Variants in GAS2L3 observed in about 807,000 individuals in gnomAD.
GAS2L3 encodes GAS2-like protein 3.
A neutral mutation model predicts 37.0 loss-of-function variants in GAS2L3; 28 were observed. The ratio of observed to expected loss-of-function variants is 0.76; its 90% CI spans 0.56 to 1.04. The LOEUF is 1.04. Among genes scored for constraint, GAS2L3 ranks in the 50% least tolerant of loss-of-function variants. The pLI is 0.00. For synonymous variants in GAS2L3, 290 were observed against 296.6 expected (o/e 0.98, Z 0.23); for missense variants, 793 against 817.6 (o/e 0.97, Z 0.37).
At chr12:100,615,772 G>A (rs1203061951) in intron 6 of GAS2L3, among the ~76,000 whole-genome samples, 3 of 152,076 alleles carry the variant, frequency 2.0e-5, no homozygotes, top group Admixed American at 6.6e-5. Flanking sequence ...AATTGTCTTA[G>A]CATCTTGTTG....
In GAS2L3 at chr12:100,624,580, A is replaced by G. The variant is rs1222311735; in HGVS notation, c.1775A>G (p.Gln592Arg). 2 of 1,614,102 alleles carry G rather than the reference A, an allele frequency of 1.2e-6. No homozygotes were observed. Among genetic ancestry groups the G allele is most frequent in the Non-Finnish European group, 1.7e-6 (2 of 1,180,028 alleles). Residue 592 changes from glutamine to arginine, a missense_variant, in exon 10 of 10, where the codon CAG (glutamine) becomes CGG (arginine). By Grantham distance (43) the Gln-to-Arg change is conservative. Coordinates refer to ENST00000547754, the MANE Select transcript of GAS2L3 (RefSeq NM_174942.3). The part of the protein sequence containing the change: ...NIVSATKKQP[Q>R]NKSAFQKTGP... Reference sequence around the variant, plus strand: ...GTTTCAGCTACCAAAAAGCAGCCTCAGAATAAAAGTGCATTTCAGAAGACA... The same window carrying G: ...GTTTCAGCTACCAAAAAGCAGCCTCGGAATAAAAGTGCATTTCAGAAGACA...
chr12:100,582,466 A>T (rs1181236648), intron 1 of GAS2L3, among the ~76,000 whole-genome samples: 1 of 152,240 alleles, frequency 6.6e-6, no homozygotes, highest in Non-Finnish European at 1.5e-5. Context: ...GGCCTGACAG[A>T]TACCTTAATT....
chr12:100,612,077 C>A lies in GAS2L3; in HGVS notation c.381C>A (p.Asn127Lys), dbSNP rs1167825170. 6.2e-7 allele frequency: 1 copy of A among 1,611,078 alleles called. No homozygotes were observed. The highest frequency in any genetic ancestry group is 2.2e-5 in the East Asian group (1 of 44,860). ...TCTTTGCTCGGGACAATACCGCAAA[C>A]TTCCTTCACTGGTGTAGGGACATTG... ...GSFFARDNTA[N>K]FLHWCRDIGV... The change falls in exon 6 of 10, where the codon AAC becomes AAA. Residue 127 changes from asparagine (N) to lysine (K), a missense_variant. Physicochemically the swap from Asn to Lys is moderately conservative, Grantham distance 94 (BLOSUM62 0). Coordinates refer to ENST00000547754, the MANE Select transcript of GAS2L3 (RefSeq NM_174942.3).
At chr12:100,580,873 C>T (rs1406941538) in intron 1 of GAS2L3, among the ~76,000 whole-genome samples, 1 of 152,134 alleles carries the variant, frequency 6.6e-6, no homozygotes, top group African/African-American at 2.4e-5. Context: ...TCATCATAGT[C>T]ATGGTTGATA....
chr12:100,585,635 G>A (rs777588189), intron 1 of GAS2L3, among the ~76,000 whole-genome samples: 9 of 152,150 alleles, frequency 5.9e-5, no homozygotes, highest in Non-Finnish European at 1.0e-4. Context: ...TGCTGCCTCT[G>A]TCTCTGCTCA....
At chr12:100,594,452 G>T (rs1009035920) in intron 2 of GAS2L3, among the ~76,000 whole-genome samples, 5 of 151,984 alleles carry the variant, frequency 3.3e-5, no homozygotes, top group Admixed American at 3.3e-4. Context: ...CATATGACCT[G>T]TTAGGACTTT....
At chr12:100,620,972 C>A (rs765590849) in intron 8 of GAS2L3, among the ~76,000 whole-genome samples, 3 of 152,078 alleles carry the variant, frequency 2.0e-5, no homozygotes, top group African/African-American at 7.2e-5. Flanking sequence ...GATTGGGTGA[C>A]TTATGAAAAT....
intron 5 of GAS2L3, 63 bp from the exon 6 acceptor site, chr12:100,611,935 CAA>C: frequency 9.1e-7 from 1 of 1,101,570 alleles, no homozygotes. Context: ...TTAGCAATAT[CAA>C]AATGAATGTT....
chr12:100,625,225 T>C lies in GAS2L3; in HGVS notation c.*335T>C, dbSNP rs10860614. On this transcript the variant is annotated 3_prime_UTR_variant, in exon 10 of 10. Transcript: ENST00000547754. ...ACAAGAATTTTAACAATAGTTGCTCTATTTTTGAATATGTATTAAATATGG... is the reference window on the plus strand; with the variant it reads ...ACAAGAATTTTAACAATAGTTGCTCCATTTTTGAATATGTATTAAATATGG... 76,366 of 177,602 alleles carry C rather than the reference T, an allele frequency of 0.43. 17,648 individuals carry two copies. Among genetic ancestry groups the C allele is most frequent in the Middle Eastern group, 0.54 (195 of 364 alleles). 11.0% of individuals were successfully genotyped at this position (177,602 alleles called of 1,614,324 possible).
At chr12:100,585,235 C>A (rs1237887582) in intron 1 of GAS2L3, among the ~76,000 whole-genome samples, 2 of 150,836 alleles carry the variant, frequency 1.3e-5, no homozygotes, top group Non-Finnish European at 3.0e-5. Context: ...TGAAACAAAC[C>A]AAAACACAGC....
intron 1 of GAS2L3, among the ~76,000 whole-genome samples, chr12:100,586,241 C>G (rs577709031): frequency 6.6e-6 from 1 of 152,266 alleles, no homozygotes; most frequent in Non-Finnish European, 1.5e-5. Context: ...CAGATATATA[C>G]AGAACATTTC....
intron 5 of GAS2L3, among the ~76,000 whole-genome samples, chr12:100,608,439 A>C (rs1019907245): frequency 2.0e-5 from 3 of 152,176 alleles, no homozygotes; most frequent in African/African-American, 7.2e-5. Flanking sequence ...CAGGTGGCAC[A>C]TCTAGCCAGG....
In GAS2L3 at chr12:100,625,899, C is replaced by A. The variant is rs1361501435; in HGVS notation, c.*1009C>A. The A allele has an allele frequency of 6.6e-6, 1 of 152,140 alleles. No homozygotes were observed. The highest frequency in any genetic ancestry group is 1.5e-5 in the Non-Finnish European group (1 of 68,022). The allele number at this position is 152,140 out of a possible 1,614,324, so 9.4% of individuals were successfully genotyped here. On this transcript the variant is annotated 3_prime_UTR_variant, in exon 10 of 10. Transcript: ENST00000547754. The stretch of plus-strand genomic sequence containing the variant: ...GCACAATACCAATTTTAATTAATTT[C>A]TTCCAATTAGGTTACTTTTCTTTAA...
At chr12:100,593,350 G>GT (rs1472004708) in intron 2 of GAS2L3, among the ~76,000 whole-genome samples, 1 of 152,042 alleles carries the variant, frequency 6.6e-6, no homozygotes, top group Non-Finnish European at 1.5e-5. Context: ...CTTAAAAGTA[G>GT]TTTTTTCTGT....
In GAS2L3 at chr12:100,624,928, G is replaced by T. The variant is rs1427977883; in HGVS notation, c.*38G>T. 1.6e-5 allele frequency: 23 copies of T among 1,427,574 alleles called. No individual in the cohort carries two copies. The highest frequency in any genetic ancestry group is 2.1e-5 in the Non-Finnish European group (22 of 1,044,982). The allele number at this position is 1,427,574 out of a possible 1,614,324, so 88.4% of individuals were successfully genotyped here. ...TATAAAAAAAGAGAAAAGGAAGAAT[G>T]AATGTGTTAGCTTCACATCTTAAAA... On this transcript the variant is annotated 3_prime_UTR_variant, in exon 10 of 10. Transcript: ENST00000547754.
In GAS2L3 at chr12:100,623,925, C is replaced by G; in HGVS notation, c.1120C>G (p.Pro374Ala). 1 of 1,614,056 alleles carries G rather than the reference C, an allele frequency of 6.2e-7. No individual in the cohort carries two copies. The highest frequency in any genetic ancestry group is 8.5e-7 in the Non-Finnish European group (1 of 1,179,990). ...CTCTATGTCAGTCCGTTCTAAATTG[C>G]CAAATTCTCCAGCAGCATCTTCTCA... The part of the protein sequence containing the change: ...LGSMSVRSKL[P>A]NSPAASSHPK... The change falls in exon 10 of 10, where the codon CCA becomes GCA. Residue 374 changes from proline to alanine, a missense_variant. Pro to Ala is a conservative substitution (Grantham distance 27). Coordinates refer to ENST00000547754, the MANE Select transcript of GAS2L3 (RefSeq NM_174942.3).
At chr12:100,604,010 A>G (rs376942903) in intron 5 of GAS2L3, among the ~76,000 whole-genome samples, 37 of 151,738 alleles carry the variant, frequency 2.4e-4, no homozygotes, top group African/African-American at 8.2e-4. Flanking sequence ...TGCCAGTACC[A>G]TACTGTTTTG....
At chr12:100,613,589 C>T (rs1956151789) in intron 6 of GAS2L3, among the ~76,000 whole-genome samples, 1 of 151,028 alleles carries the variant, frequency 6.6e-6, no homozygotes, top group Admixed American at 6.6e-5. Flanking sequence ...GAACAATTAC[C>T]ATTTCTTTCT....
Position 100,624,677 on chromosome 12 carries a change from A to T in GAS2L3, c.1872A>T (p.Lys624Asn). The stretch of plus-strand genomic sequence containing the variant: ...TGAGCCTACCCCAGTCTTCTACCAA[A>T]ACACAAACTGCACCGAAGTCAGCAC... ...SIVSLPQSST[K>N]TQTAPKSAQT... The change falls in exon 10 of 10, where the codon AAA (lysine) becomes AAT (asparagine). Residue 624 changes from lysine to asparagine, a missense_variant. Lys to Asn is a moderately conservative substitution (Grantham distance 94). Transcript: ENST00000547754. The T allele has an allele frequency of 6.2e-7, 1 of 1,614,074 alleles. No individual in the cohort carries two copies. The highest frequency in any genetic ancestry group is 8.5e-7 in the Non-Finnish European group (1 of 1,180,008).
Sources: gnomAD v4.1 joint callset for allele counts (sites outside exome capture counted in the v4.1 genomes callset) on GRCh38, gnomAD v4.1.1 for gene constraint, MANE v1.5 for transcripts, NCBI Gene and HGNC (gene_info 2026-07-23, HGNC 2026-07-21) for gene names.